Variants in SGIP1 observed in about 807,000 individuals in gnomAD.
SGIP1 encodes the protein SH3-containing GRB2-like protein 3-interacting protein 1.
SGIP1 carries 38 observed loss-of-function variants against 107.5 expected under a neutral mutation model. The observed-to-expected ratio is 0.35, with a 90% CI of 0.27 to 0.46. The LOEUF is 0.46. SGIP1 is among the 20% of genes least tolerant of loss of function. The pLI, the probability that SGIP1 is intolerant of heterozygous loss-of-function variation, is 1.00. For missense variants in SGIP1, 929 were observed against 1,019.5 expected, an observed-to-expected ratio of 0.91 and a Z score of 1.21; for synonymous variants, 365 against 366.1, an observed-to-expected ratio of 1.00 and a Z score of 0.03.
At chr1:66,652,346 G>T (rs939500042) in intron 7 of SGIP1, among the ~76,000 whole-genome samples, 1 of 152,092 alleles carries the variant, frequency 6.6e-6, no homozygotes, top group Admixed American at 6.6e-5. Context: ...TAAAAATAGC[G>T]AGGGAGGACT....
intron 1 of SGIP1, among the ~76,000 whole-genome samples, chr1:66,605,323 C>G (rs921475415): frequency 1.1e-4 from 17 of 152,166 alleles, no homozygotes; most frequent in African/African-American, 4.1e-4. Flanking sequence ...GCCAATTGCT[C>G]TATGGCAGTA....
At position 66,733,861 on chromosome 1, in the gene SGIP1, T is replaced by C. The variant is rs1433170410; in HGVS notation, c.2012T>C (p.Val671Ala). ...AAACCCCAGGCTACATATTATAACGTTGACATGCTCAAATATCAGGTAAGC... is the reference window on the plus strand; with the variant it reads ...AAACCCCAGGCTACATATTATAACGCTGACATGCTCAAATATCAGGTAAGC... ...EQKPQATYYN[V>A]DMLKYQVSAQ... Residue 671 changes from valine (V) to alanine (A), a missense_variant, in exon 21 of 25, where the codon GTT becomes GCT. This residue lies in a region of SGIP1 where 341 missense variants were observed against 430.9 expected (regional missense o/e 0.79). Coordinates refer to ENST00000371037, the MANE Select transcript of SGIP1 (RefSeq NM_032291.4). 3 of 1,613,116 alleles carry C rather than the reference T, an allele frequency of 1.9e-6. No individual in the cohort carries two copies. The highest frequency in any genetic ancestry group is 2.2e-5 in the East Asian group (1 of 44,790).
At chr1:66,570,872 G>A (rs1569598130) in intron 1 of SGIP1, among the ~76,000 whole-genome samples, 1 of 151,858 alleles carries the variant, frequency 6.6e-6, no homozygotes, top group African/African-American at 2.4e-5. Flanking sequence ...CCTGTCTCAG[G>A]TCATATCCAC....
rs1200674935 is a variant in SGIP1 at position 66,660,600 on chromosome 1, G to T, written c.471+76G>T. On this transcript the variant is annotated intron_variant, in intron 8 of 24. Transcript: ENST00000371037. ...TATTTTCATTATCTGCATATCTAAT[G>T]ACTGACTGTGTTTAACACCTAAACA... 4.5e-6 allele frequency: 6 copies of T among 1,331,706 alleles called. No homozygotes were observed. In the East Asian group the frequency reaches 1.4e-4, roughly 31 times the overall value. The allele number at this position is 1,331,706 out of a possible 1,614,324, so 82.5% of individuals were successfully genotyped here. A position where few individuals can be genotyped will look rare whatever the true frequency, so the allele number is the denominator to read the frequency against.
At chr1:66,549,140 T>TGCC (rs748758212) in intron 1 of SGIP1, among the ~76,000 whole-genome samples, 242 of 7,776 alleles carry the variant, frequency 0.031, no homozygotes, top group African/African-American at 0.035. Flanking sequence ...GCTACCTGCC[T>TGCC]TCCTTCCTTC....
chr1:66,750,735 T>C lies in SGIP1; in HGVS notation c.*7640T>C, dbSNP rs1396033754. On this transcript the variant is annotated 3_prime_UTR_variant, in exon 25 of 25. Coordinates refer to ENST00000371037, the MANE Select transcript of SGIP1 (RefSeq NM_032291.4). Reference sequence around the variant, plus strand: ...TGTAATGAAAGCTTTACTGCTTCTATGCTGTGCTCAAGAGAAAACCAACAA... The same window carrying C: ...TGTAATGAAAGCTTTACTGCTTCTACGCTGTGCTCAAGAGAAAACCAACAA... Among the ~76,000 whole-genome samples the C allele has an allele frequency of 6.6e-6, 1 of 151,758 alleles. No homozygotes were observed. Among genetic ancestry groups the C allele is most frequent in the Non-Finnish European group, 1.5e-5 (1 of 67,928 alleles).
At chr1:66,718,381 C>A (rs987498136) in intron 18 of SGIP1, among the ~76,000 whole-genome samples, 3 of 149,144 alleles carry the variant, frequency 2.0e-5, no homozygotes, top group Non-Finnish European at 4.5e-5. Context: ...CAAAATGATA[C>A]AGGAAACTGT....
At chr1:66,578,179 G>T (rs1194845910) in intron 1 of SGIP1, among the ~76,000 whole-genome samples, 1 of 152,100 alleles carries the variant, frequency 6.6e-6, no homozygotes, top group African/African-American at 2.4e-5. Context: ...CCCCAGTCTT[G>T]TCTATCACCA....
chr1:66,710,319 C>T (rs1294701748), intron 18 of SGIP1, among the ~76,000 whole-genome samples: 2 of 152,064 alleles, frequency 1.3e-5, no homozygotes, highest in East Asian at 3.8e-4. Flanking sequence ...GCATCTGGTG[C>T]TGAGGAGAGC....
At chr1:66,697,667 T>C (rs1358109924) in intron 18 of SGIP1, among the ~76,000 whole-genome samples, 2 of 152,198 alleles carry the variant, frequency 1.3e-5, no homozygotes, top group Admixed American at 1.3e-4. Context: ...ATTTTTTAAA[T>C]GGAGATTTGT....
intron 5 of SGIP1, among the ~76,000 whole-genome samples, chr1:66,641,835 T>G (rs2076850499): frequency 6.6e-6 from 1 of 152,180 alleles, no homozygotes; most frequent in Non-Finnish European, 1.5e-5. Context: ...TCCCACAATT[T>G]GAGGGTAGAA....
In SGIP1 at chr1:66,748,276, A is replaced by G. The variant is rs2094579721; in HGVS notation, c.*5181A>G. The G allele has an allele frequency of 1.3e-5, 2 of 151,976 alleles. No homozygotes were observed. Among genetic ancestry groups the G allele is most frequent in the African/African-American group, 2.4e-5 (1 of 41,432 alleles). 9.4% of individuals were successfully genotyped at this position (151,976 alleles called of 1,614,324 possible). ...ATAGGAGTACATTGCTTAAGTCTCT[A>G]AATATTAAAAACAACAACAAAACAC... is the stretch of plus-strand genomic sequence containing the variant. On this transcript the variant is annotated 3_prime_UTR_variant, in exon 25 of 25. Coordinates refer to ENST00000371037, the MANE Select transcript of SGIP1 (RefSeq NM_032291.4).
In SGIP1 at chr1:66,604,587, C is replaced by T. The variant is rs114430618; in HGVS notation, c.11-21260C>T. ...CAAGTCCGTTTAACTTTCTCTCAAC[C>T]CATTTTCTCATCCAATGGTAAATAG... is the stretch of plus-strand genomic sequence containing the variant. On this transcript the variant is annotated intron_variant, in intron 1 of 24. Transcript: ENST00000371037. 7.1e-3 allele frequency among the ~76,000 whole-genome samples: 1,074 copies of T among 152,274 alleles called. 19 individuals carry two copies. Among genetic ancestry groups the T allele is most frequent in the African/African-American group, 0.024 (1,005 of 41,546 alleles).
intron 1 of SGIP1, among the ~76,000 whole-genome samples, chr1:66,538,573 T>A (rs1451976520): frequency 6.6e-6 from 1 of 152,208 alleles, no homozygotes; most frequent in Non-Finnish European, 1.5e-5. Flanking sequence ...ACATACACTA[T>A]CCATGTTTCA....
intron 19 of SGIP1, among the ~76,000 whole-genome samples, chr1:66,722,076 C>T (rs891417749): frequency 6.6e-6 from 1 of 152,132 alleles, no homozygotes; most frequent in South Asian, 2.1e-4. Flanking sequence ...TTATCCCTGA[C>T]CGTGCCTCCA....
chr1:66,690,712 C>G (rs1324658617), intron 17 of SGIP1, among the ~76,000 whole-genome samples: 1 of 152,134 alleles, frequency 6.6e-6, no homozygotes, highest in Non-Finnish European at 1.5e-5. Flanking sequence ...AAATTTAGAA[C>G]TTGTATTTTC....
At chr1:66,616,188 T>C (rs2069258001) in intron 1 of SGIP1, 2 of 152,348 alleles carry the variant, frequency 1.3e-5, no homozygotes, top group Non-Finnish European at 1.5e-5. Context: ...GAGACTGAGT[T>C]TGGTTTTGTT....
chr1:66,580,297 G>T (rs1056559888), intron 1 of SGIP1, among the ~76,000 whole-genome samples: 3 of 152,116 alleles, frequency 2.0e-5, no homozygotes, highest in Non-Finnish European at 2.9e-5. Context: ...CCACATGAGG[G>T]TTTTGCTGTT....
chr1:66,585,866 T>C (rs1376764841), intron 1 of SGIP1, among the ~76,000 whole-genome samples: 1 of 152,188 alleles, frequency 6.6e-6, no homozygotes, highest in East Asian at 1.9e-4. Flanking sequence ...TTAGAGAAAT[T>C]CCAAGTTTAA....
Sources: gnomAD v4.1 joint callset for allele counts (sites outside exome capture counted in the v4.1 genomes callset) on GRCh38, gnomAD v4.1.1 for gene constraint, gnomAD v4.1.1 regional missense constraint, MANE v1.5 for transcripts, NCBI Gene and HGNC (gene_info 2026-07-23, HGNC 2026-07-21) for gene names.